The following RBFOX1 variants were observed in gnomAD, a reference collection of about 807,000 sequenced individuals.
The protein encoded by RBFOX1 is RNA binding protein fox-1 homolog 1.
A neutral mutation model predicts 57.7 loss-of-function variants in RBFOX1; 8 were observed. The ratio of observed to expected loss-of-function variants is 0.14; its 90% CI spans 0.08 to 0.25. The LOEUF is 0.25. Ranked by LOEUF, RBFOX1 falls within the 10% of genes least tolerant of loss-of-function variation. The probability of loss-of-function intolerance (pLI) is 1.00; values close to 1 mark genes in which losing one functional copy is unlikely to be tolerated. For missense variants in RBFOX1, 611 were observed against 548.5 expected (o/e 1.11, Z -1.14); for synonymous variants, 326 against 222.4 (o/e 1.47, Z -4.15).
intron 3 of RBFOX1, among the ~76,000 whole-genome samples, chr16:7,001,613 C>T (rs2153634410): frequency 6.6e-6 from 1 of 152,062 alleles, no homozygotes; most frequent in East Asian, 1.9e-4. Context: ...CGTGCCATCA[C>T]ACCCTGCTAA....
At chr16:5,796,478 G>A (rs1404399322) in intron 3 of RBFOX1, among the ~76,000 whole-genome samples, 1 of 152,112 alleles carries the variant, frequency 6.6e-6, no homozygotes, top group Non-Finnish European at 1.5e-5. Flanking sequence ...GAGTGGTGGT[G>A]GCATCATAGA....
intron 5 of RBFOX1, among the ~76,000 whole-genome samples, chr16:7,522,318 G>T (rs1271172150): frequency 1.3e-5 from 2 of 152,150 alleles, no homozygotes; most frequent in Non-Finnish European, 1.5e-5. Flanking sequence ...TCACGGGGTG[G>T]GGTTTGAAGG....
At chr16:5,785,632 A>G (rs1597244884) in intron 3 of RBFOX1, among the ~76,000 whole-genome samples, 1 of 151,690 alleles carries the variant, frequency 6.6e-6, no homozygotes, top group East Asian at 1.9e-4. Flanking sequence ...GGTTCAAGTG[A>G]TTCTCCTGCC....
chr16:6,022,741 A>G (rs753670805), intron 1 of RBFOX1, among the ~76,000 whole-genome samples: 3 of 152,216 alleles, frequency 2.0e-5, no homozygotes, highest in Non-Finnish European at 4.4e-5. Context: ...TATCTAAACA[A>G]TTTGTGATAG....
intron 4 of RBFOX1, among the ~76,000 whole-genome samples, chr16:7,368,079 C>T (rs1363708716): frequency 3.3e-5 from 5 of 151,990 alleles, no homozygotes; most frequent in South Asian, 2.1e-4. Flanking sequence ...CCAGCCTGGC[C>T]AACGTAATGA....
intron 2 of RBFOX1, among the ~76,000 whole-genome samples, chr16:6,419,813 C>G (rs1468012852): frequency 6.6e-6 from 1 of 152,158 alleles, no homozygotes; most frequent in East Asian, 1.9e-4. Flanking sequence ...ATTATGAAGA[C>G]AAGCTGTGCG....
intron 2 of RBFOX1, among the ~76,000 whole-genome samples, chr16:6,409,948 G>A (rs1361260364): frequency 1.3e-5 from 2 of 152,086 alleles, no homozygotes; most frequent in African/African-American, 2.4e-5. Context: ...GAGCACCCGA[G>A]AAGCATCTAA....
chr16:5,585,226 C>T (rs1490216749), intron 2 of RBFOX1, among the ~76,000 whole-genome samples: 1 of 152,086 alleles, frequency 6.6e-6, no homozygotes, highest in African/African-American at 2.4e-5. Context: ...TACAGGATTG[C>T]GTTTTCTGGA....
intron 2 of RBFOX1, among the ~76,000 whole-genome samples, chr16:5,591,355 G>A (rs2047000326): frequency 6.6e-6 from 1 of 151,420 alleles, no homozygotes; most frequent in Non-Finnish European, 1.5e-5. Flanking sequence ...GGGTTCAAGT[G>A]ATTCTCCTGC....
At chr16:7,159,089 G>C (rs1188373912) in intron 4 of RBFOX1, among the ~76,000 whole-genome samples, 3 of 151,672 alleles carry the variant, frequency 2.0e-5, no homozygotes, top group Non-Finnish European at 4.4e-5. Context: ...ATCATATCAA[G>C]AATATTATAT....
rs145131575 is a variant in RBFOX1 at position 7,265,138 on chromosome 16, C to G, written c.27+213040C>G. Among the ~76,000 whole-genome samples, 11 of 152,356 alleles carry G rather than the reference C, an allele frequency of 7.2e-5. No individual in the cohort carries two copies. The East Asian group carries it at 1.7e-3, about 24-fold the overall frequency. ...TAAAGACTAGACTCTGTTCTGCGCA[C>G]TAAGGGTGCAGTGGTTATCTTAGTC... is the stretch of plus-strand genomic sequence containing the variant. On this transcript the variant is annotated intron_variant, in intron 4 of 15. Transcript: ENST00000550418.
chr16:6,510,912 C>T (rs1211798085), intron 2 of RBFOX1, among the ~76,000 whole-genome samples: 2 of 151,798 alleles, frequency 1.3e-5, no homozygotes, highest in African/African-American at 2.4e-5. Flanking sequence ...GTGGCTGACT[C>T]ATAATTTTAA....
At chr16:6,031,106 C>T (rs1173674925) in intron 1 of RBFOX1, among the ~76,000 whole-genome samples, 1 of 152,266 alleles carries the variant, frequency 6.6e-6, no homozygotes, top group East Asian at 1.9e-4. Context: ...TGACCCTGTT[C>T]GGTAGGAACA....
intron 3 of RBFOX1, among the ~76,000 whole-genome samples, chr16:6,888,599 A>G (rs2064692925): frequency 1.3e-5 from 2 of 151,940 alleles, no homozygotes; most frequent in African/African-American, 2.4e-5. Context: ...TTAGAAGTGC[A>G]TTTTAGAGGT....
intron 3 of RBFOX1, among the ~76,000 whole-genome samples, chr16:5,711,607 C>G (rs1567433231): frequency 6.6e-6 from 1 of 152,162 alleles, no homozygotes; most frequent in African/African-American, 2.4e-5. Flanking sequence ...TGGAAGATGT[C>G]CTGGGCAGCT....
intron 2 of RBFOX1, among the ~76,000 whole-genome samples, chr16:6,600,968 T>C (rs1601132625): frequency 6.6e-6 from 1 of 152,180 alleles, no homozygotes; most frequent in Admixed American, 6.5e-5. Flanking sequence ...ATATAGCCTC[T>C]TAAATGTGAT....
At chr16:5,471,952 G>A (rs1301272516) in intron 2 of RBFOX1, among the ~76,000 whole-genome samples, 1 of 152,166 alleles carries the variant, frequency 6.6e-6, no homozygotes, top group Non-Finnish European at 1.5e-5. Context: ...TGGCTGGAGT[G>A]TGGGTCCTTG....
intron 1 of RBFOX1, among the ~76,000 whole-genome samples, chr16:6,031,947 T>A (rs543802430): frequency 4.6e-5 from 7 of 152,340 alleles, no homozygotes; most frequent in Admixed American, 3.9e-4. Context: ...GGGGAGGTCA[T>A]TTGTTCACTG....
At chr16:6,833,980 G>A (rs575723234) in intron 3 of RBFOX1, among the ~76,000 whole-genome samples, 1 of 152,154 alleles carries the variant, frequency 6.6e-6, no homozygotes, top group African/African-American at 2.4e-5. Context: ...AGGCACAGTA[G>A]GGTTTGGACT....
Sources: gnomAD v4.1 joint callset for allele counts (sites outside exome capture counted in the v4.1 genomes callset) on GRCh38, gnomAD v4.1.1 for gene constraint, MANE v1.5 for transcripts, NCBI Gene and HGNC (gene_info 2026-07-23, HGNC 2026-07-21) for gene names.